The following WDFY3 variants were observed in gnomAD, a reference collection of about 807,000 sequenced individuals.
WDFY3 encodes WD repeat and FYVE domain-containing protein 3.
Under a neutral mutation model 409.6 loss-of-function variants are expected in WDFY3, and 66 were observed. That is an observed-to-expected ratio of 0.16 (90% CI 0.13 to 0.20). The LOEUF (loss-of-function observed/expected upper bound fraction) is 0.20. WDFY3 is among the 10% of genes least tolerant of loss of function. The probability of loss-of-function intolerance (pLI) is 1.00; values close to 1 mark genes in which losing one functional copy is unlikely to be tolerated. For missense variants in WDFY3, 3,031 were observed against 4,298.1 expected, an observed-to-expected ratio of 0.71 and a Z score of 8.24; for synonymous variants, 1,521 against 1,537.1, an observed-to-expected ratio of 0.99 and a Z score of 0.25.
chr4:84,871,806 T>C (rs1698708394), intron 3 of WDFY3, among the ~76,000 whole-genome samples: 1 of 152,086 alleles, frequency 6.6e-6, no homozygotes, highest in African/African-American at 2.4e-5. Context: ...AGTTAATTTT[T>C]GTATTTTCTG....
At chr4:84,776,419 T>C (rs1745558307) in intron 27 of WDFY3, among the ~76,000 whole-genome samples, 1 of 152,088 alleles carries the variant, frequency 6.6e-6, no homozygotes, top group African/African-American at 2.4e-5. Context: ...AGCAATGTAC[T>C]ATAAAATAAA....
Position 84,801,977 on chromosome 4 carries a change from C to T in WDFY3, c.2608-113G>A, listed in dbSNP as rs1468462054. 4.8e-5 allele frequency: 49 copies of T among 1,027,296 alleles called. 1 individual carries two copies. The highest frequency in any genetic ancestry group is 6.0e-4 in the Middle Eastern group (2 of 3,306). The allele number at this position is 1,027,296 out of a possible 1,614,324, so 63.6% of individuals were successfully genotyped here. On this transcript the variant is annotated intron_variant, in intron 16 of 67. Transcript: ENST00000295888. ...TTTTTTTTTTTTTGAGACGGAGTTT[C>T]GCTCTTGTTGTCCAGGCTGGAGTGC...
At position 84,733,623 on chromosome 4, in the gene WDFY3, G is replaced by C; in HGVS notation, c.6994-14C>G. Reference sequence around the variant, plus strand: ...ATTCTGCTGACGCTGACAGGAAAGAGTCCAGGTCGGTTTTCAAGCAAAAGC... The same window carrying C: ...ATTCTGCTGACGCTGACAGGAAAGACTCCAGGTCGGTTTTCAAGCAAAAGC... On this transcript the variant is annotated splice_polypyrimidine_tract_variant and intron_variant, in intron 43 of 67. Transcript: ENST00000295888. 1 of 1,589,592 alleles carries C rather than the reference G, an allele frequency of 6.3e-7. No homozygotes were observed. Among genetic ancestry groups the C allele is most frequent in the Non-Finnish European group, 8.6e-7 (1 of 1,167,506 alleles).
intron 36 of WDFY3, among the ~76,000 whole-genome samples, chr4:84,744,036 A>T (rs1268450529): frequency 6.7e-6 from 1 of 149,434 alleles, no homozygotes; most frequent in African/African-American, 2.4e-5. Flanking sequence ...TGAATCCATT[A>T]TTTAAAACAT....
chr4:84,780,770 T>TAAAG (rs1746362750), intron 25 of WDFY3, among the ~76,000 whole-genome samples: 1 of 150,250 alleles, frequency 6.7e-6, no homozygotes, highest in Admixed American at 6.6e-5. Context: ...TCTCAAAAAA[T>TAAAG]AAATAAATAA....
At chr4:84,776,153 A>T (rs1560730544) in intron 27 of WDFY3, among the ~76,000 whole-genome samples, 1 of 152,108 alleles carries the variant, frequency 6.6e-6, no homozygotes, top group Non-Finnish European at 1.5e-5. Flanking sequence ...GTAAATGTAT[A>T]CAATAGCATA....
chr4:84,909,018 G>A (rs890088338), intron 2 of WDFY3, among the ~76,000 whole-genome samples: 15 of 150,908 alleles, frequency 9.9e-5, no homozygotes, highest in African/African-American at 2.9e-4. Context: ...CTATTCCTAC[G>A]CACGTATCCA....
chr4:84,945,268 T>C (rs1399239574), intron 1 of WDFY3, among the ~76,000 whole-genome samples: 1 of 152,242 alleles, frequency 6.6e-6, no homozygotes, highest in East Asian at 1.9e-4. Context: ...CTGATGTCAC[T>C]GTCACTACTG....
intron 56 of WDFY3, among the ~76,000 whole-genome samples, chr4:84,697,173 A>C (rs1364371997): frequency 1.3e-5 from 2 of 152,218 alleles, no homozygotes; most frequent in African/African-American, 4.8e-5. Flanking sequence ...TAAGAGGGAT[A>C]TCAAACACAA....
chr4:84,890,266 A>C (rs1332888592), intron 3 of WDFY3, among the ~76,000 whole-genome samples: 1 of 152,000 alleles, frequency 6.6e-6, no homozygotes, highest in African/African-American at 2.4e-5. Flanking sequence ...TGCCCAGCTA[A>C]TTTTTGTATT....
chr4:84,959,213 G>T (rs574475806), intron 1 of WDFY3, among the ~76,000 whole-genome samples: 114 of 152,010 alleles, frequency 7.5e-4, no homozygotes, highest in Non-Finnish European at 9.7e-4. Flanking sequence ...CTGGAGCCAG[G>T]TTACAAAGAG....
At chr4:84,850,477 T>G (rs926942393) in intron 4 of WDFY3, among the ~76,000 whole-genome samples, 1 of 151,998 alleles carries the variant, frequency 6.6e-6, no homozygotes, top group Non-Finnish European at 1.5e-5. Flanking sequence ...CCATCATGCC[T>G]GGCTAATTTT....
At chr4:84,728,954 CA>C (rs773667232) in intron 44 of WDFY3, among the ~76,000 whole-genome samples, 20 of 151,962 alleles carry the variant, frequency 1.3e-4, no homozygotes, top group African/African-American at 4.8e-4. Context: ...ATAATGCTGG[CA>C]ATGAAATTTC....
intron 2 of WDFY3, among the ~76,000 whole-genome samples, chr4:84,900,579 G>C (rs1473038454): frequency 6.6e-6 from 1 of 152,120 alleles, no homozygotes; most frequent in Non-Finnish European, 1.5e-5. Flanking sequence ...TGAGTCAAAT[G>C]AACCAGTCTC....
At chr4:84,861,995 A>G (rs1760712397) in intron 3 of WDFY3, among the ~76,000 whole-genome samples, 1 of 152,216 alleles carries the variant, frequency 6.6e-6, no homozygotes, top group Non-Finnish European at 1.5e-5. Context: ...CCTGAGATTA[A>G]TTTTTAATTT....
intron 4 of WDFY3, among the ~76,000 whole-genome samples, chr4:84,850,938 T>TG: frequency 1.7e-5 from 1 of 59,866 alleles, no homozygotes; most frequent in African/African-American, 5.4e-5. Flanking sequence ...GTTTTTTTTT[T>TG]TTTTTTTTTT....
chr4:84,842,191 A>G (rs1167500753), intron 5 of WDFY3, among the ~76,000 whole-genome samples: 1 of 152,118 alleles, frequency 6.6e-6, no homozygotes, highest in Non-Finnish European at 1.5e-5. Context: ...AAGAAGTCCA[A>G]TTTGGCAGGG....
Position 84,821,216 on chromosome 4 carries a change from G to A in WDFY3, c.1459C>T (p.Leu487Phe). Reference sequence around the variant, plus strand: ...ATGTAGTCATGTCTTGTAAACTTAAGAAGTGTTTTCATTGCAATAATGCTA... The same window carrying A: ...ATGTAGTCATGTCTTGTAAACTTAAAAAGTGTTTTCATTGCAATAATGCTA... ...HCSIIAMKTL[L>F]KFTRHDYIFK... Residue 487 changes from leucine (L) to phenylalanine (F), a missense_variant, in exon 11 of 68, where the codon CTT (leucine) becomes TTT (phenylalanine). By Grantham distance (22) the Leu-to-Phe change is conservative. Transcript: ENST00000295888. The A allele has an allele frequency of 6.2e-7, 1 of 1,613,738 alleles. No homozygotes were observed. Among genetic ancestry groups the A allele is most frequent in the Non-Finnish European group, 8.5e-7 (1 of 1,179,810 alleles).
rs141354892 is a variant in WDFY3, at chr4:84,736,136, A to G, written c.6915+34T>C. 6.3e-5 allele frequency: 100 copies of G among 1,588,218 alleles called. 2 individuals carry two copies. In the East Asian group the frequency reaches 2.2e-3, roughly 35 times the overall value. ...TGTTAAGTATATTATACAAAATACT[A>G]CAACTAATATCAGCAATGAAACTAA... On this transcript the variant is annotated intron_variant, in intron 42 of 67. Transcript: ENST00000295888.
Sources: gnomAD v4.1 joint callset for allele counts (sites outside exome capture counted in the v4.1 genomes callset) on GRCh38, gnomAD v4.1.1 for gene constraint, MANE v1.5 for transcripts, NCBI Gene and HGNC (gene_info 2026-07-23, HGNC 2026-07-21) for gene names.